The following DUSP10 variants were observed in gnomAD, a reference collection of about 807,000 sequenced individuals.
The protein encoded by DUSP10 is dual specificity phosphatase 10, also known as dual specificity protein phosphatase 10.
In DUSP10, 14 loss-of-function variants were observed where a neutral mutation model predicts 30.8. That is an observed-to-expected ratio of 0.46 (90% CI 0.30 to 0.71). DUSP10 has a LOEUF of 0.71. Ranked by LOEUF, DUSP10 falls within the 30% of genes least tolerant of loss-of-function variation. The pLI is 0.08. For synonymous variants in DUSP10, 254 were observed against 250.4 expected (o/e 1.01, Z -0.14); for missense variants, 550 against 619.4 (o/e 0.89, Z 1.19).
At position 221,737,113 on chromosome 1, in the gene DUSP10, T is replaced by G. The variant is rs571499251; in HGVS notation, c.811+1821A>C. ...TTCTCAATGACTGATGGGTCACCCC[T>G]ATCCACAACTCCACCCACTGCAAAA... On this transcript the variant is annotated intron_variant, in intron 2 of 3. Transcript: ENST00000366899. The G allele has an allele frequency of 1.0e-5, 10 of 985,410 alleles. No homozygotes were observed. In the South Asian group the frequency reaches 3.3e-4, roughly 32 times the overall value. The allele number at this position is 985,410 out of a possible 1,614,324, so 61.0% of individuals were successfully genotyped here. A position where few individuals can be genotyped will look rare whatever the true frequency, so the allele number is the denominator to read the frequency against.
rs1236938772 is a variant in DUSP10, at chr1:221,739,679, A to T, written c.66T>A (p.Asp22Glu). ...VALSRPVRPQ[D>E]LNLCLDSSYL... ...AACTAGAGTCTAAACAAAGGTTGAG[A>T]TCCTGAGGTCGGACGGGCCTAGATA... Residue 22 changes from aspartate to glutamate, a missense_variant, in exon 2 of 4, where the codon GAT (aspartate) becomes GAA (glutamate). Coordinates refer to ENST00000366899, the MANE Select transcript of DUSP10 (RefSeq NM_007207.6). 2.5e-6 allele frequency: 4 copies of T among 1,614,078 alleles called. 1 individual carries two copies. Among genetic ancestry groups the T allele is most frequent in the Middle Eastern group, 1.6e-4 (1 of 6,062 alleles).
In DUSP10 at chr1:221,702,518, T is replaced by A; in HGVS notation, c.1343A>T (p.Asn448Ile). 1 of 1,613,964 alleles carries A rather than the reference T, an allele frequency of 6.2e-7. No homozygotes were observed. Among genetic ancestry groups the A allele is most frequent in the Non-Finnish European group, 8.5e-7 (1 of 1,179,990 alleles). Residue 448 changes from asparagine to isoleucine, a missense_variant, in exon 4 of 4, where the codon AAC becomes ATC. Asn to Ile is a moderately radical substitution (Grantham distance 149). Transcript: ENST00000366899. This position sits in a 1 kb window ranked among gnomAD's most constrained non-coding sequence, Gnocchi z 4.5. ...TAGCAACTGCCCCATGAAGTTAAGGTTTGGGGAGATAATTGGTCGTTTGCC... is the reference window on the plus strand; with the variant it reads ...TAGCAACTGCCCCATGAAGTTAAGGATTGGGGAGATAATTGGTCGTTTGCC... The part of the protein sequence containing the change: ...VKGKRPIISP[N>I]LNFMGQLLEF...
chr1:221,731,825 T>G (rs927526038), intron 2 of DUSP10, among the ~76,000 whole-genome samples: 13 of 151,968 alleles, frequency 8.6e-5, no homozygotes, highest in Non-Finnish European at 1.8e-4. Flanking sequence ...GCCAGGATGG[T>G]CTCAATCTCT....
In DUSP10 at chr1:221,739,182, A is replaced by C; in HGVS notation, c.563T>G (p.Ile188Ser). The C allele has an allele frequency of 6.2e-7, 1 of 1,614,136 alleles. No individual in the cohort carries two copies. Among genetic ancestry groups the C allele is most frequent in the Non-Finnish European group, 8.5e-7 (1 of 1,180,030 alleles). ...ACAGTTAATGTGGACAGCTCCTTGG[A>C]TGTGACTCTTGTTGTACTCCATGAA... Reference protein sequence around the residue: ...RPFMEYNKSHIQGAVHINCAD... With the variant: ...RPFMEYNKSHSQGAVHINCAD... Residue 188 changes from isoleucine (I) to serine (S), a missense_variant, in exon 2 of 4, where the codon ATC (isoleucine) becomes AGC (serine). Physicochemically the swap from Ile to Ser is moderately radical, Grantham distance 142. Transcript: ENST00000366899.
chr1:221,719,861 A>T (rs1661225465), intron 2 of DUSP10, among the ~76,000 whole-genome samples: 1 of 152,202 alleles, frequency 6.6e-6, no homozygotes, highest in Non-Finnish European at 1.5e-5. Flanking sequence ...GACTTAGGGT[A>T]ATCTTTAAGT....
At chr1:221,718,358 G>T (rs1455942848) in intron 2 of DUSP10, among the ~76,000 whole-genome samples, 1 of 152,144 alleles carries the variant, frequency 6.6e-6, no homozygotes, top group Non-Finnish European at 1.5e-5. Flanking sequence ...GAGACATTCT[G>T]CGTACTGGGG....
rs185095154 is a variant in DUSP10 at position 221,703,552 on chromosome 1, G to A, written c.1184-875C>T. Among the ~76,000 whole-genome samples, 9 of 152,296 alleles carry A rather than the reference G, an allele frequency of 5.9e-5. No individual in the cohort carries two copies. The South Asian group carries it at 6.2e-4, about 11-fold the overall frequency. On this transcript the variant is annotated intron_variant, in intron 3 of 3. Coordinates refer to ENST00000366899, the MANE Select transcript of DUSP10 (RefSeq NM_007207.6). ...TGTCACCTCTCAAGCATTCAATCCC[G>A]TTTGCTTCCATGTATGACATTCCAG...
At chr1:221,729,817 A>G (rs1378344513) in intron 2 of DUSP10, among the ~76,000 whole-genome samples, 2 of 152,242 alleles carry the variant, frequency 1.3e-5, no homozygotes, top group East Asian at 1.9e-4. Flanking sequence ...GTCTTATCAT[A>G]AAAACATAGC....
chr1:221,721,688 A>G (rs1226129226), intron 2 of DUSP10, among the ~76,000 whole-genome samples: 2 of 151,954 alleles, frequency 1.3e-5, no homozygotes, highest in Non-Finnish European at 2.9e-5. Flanking sequence ...CCTCGCCCCT[A>G]CTTCTTGGAC....
In DUSP10 at chr1:221,736,989, A is replaced by T. The variant is rs1044668595; in HGVS notation, c.811+1945T>A. On this transcript the variant is annotated intron_variant, in intron 2 of 3. Transcript: ENST00000366899. Reference sequence around the variant, plus strand: ...GCCCCATTGAGGCAATCTTACTCTGACACTGAGGAAGAAGTCTAGGCTGTC... The same window carrying T: ...GCCCCATTGAGGCAATCTTACTCTGTCACTGAGGAAGAAGTCTAGGCTGTC... 8.1e-6 allele frequency: 8 copies of T among 985,386 alleles called. No individual in the cohort carries two copies. The African/African-American group carries it at 1.4e-4, about 17-fold the overall frequency. The allele number at this position is 985,386 out of a possible 1,614,324, so 61.0% of individuals were successfully genotyped here. A position where few individuals can be genotyped will look rare whatever the true frequency, so the allele number is the denominator to read the frequency against.
At position 221,738,985 on chromosome 1, in the gene DUSP10, T is replaced by G; in HGVS notation, c.760A>C (p.Ile254Leu). ...SRVMPSQPLH[I>L]VLESLKREGK... ...TCTCTCTTCAGGGACTCGAGGACTA[T>G]GTGAAGTGGCTGGGAGGGCATCACT... The change falls in exon 2 of 4, where the codon ATA (isoleucine) becomes CTA (leucine). Residue 254 changes from isoleucine to leucine, a missense_variant. Coordinates refer to ENST00000366899, the MANE Select transcript of DUSP10 (RefSeq NM_007207.6). The G allele has an allele frequency of 6.2e-7, 1 of 1,614,116 alleles. No individual in the cohort carries two copies. The highest frequency in any genetic ancestry group is 8.5e-7 in the Non-Finnish European group (1 of 1,179,978).
At chr1:221,712,850 T>C (rs1247668620) in intron 2 of DUSP10, among the ~76,000 whole-genome samples, 1 of 149,832 alleles carries the variant, frequency 6.7e-6, no homozygotes, top group Non-Finnish European at 1.5e-5. Context: ...GCCAAGTGTG[T>C]GACTTTTTGA....
chr1:221,728,845 C>T (rs541120629), intron 2 of DUSP10, among the ~76,000 whole-genome samples: 10 of 152,322 alleles, frequency 6.6e-5, no homozygotes, highest in Admixed American at 6.5e-4. Flanking sequence ...TCATCTACTT[C>T]CTACTCCAGA....
chr1:221,724,882 C>T (rs1048434251), intron 2 of DUSP10, among the ~76,000 whole-genome samples: 3 of 152,118 alleles, frequency 2.0e-5, no homozygotes, highest in African/African-American at 4.8e-5. Context: ...GCTCTCTGAT[C>T]GATTAACTAC....
intron 3 of DUSP10, among the ~76,000 whole-genome samples, chr1:221,705,406 C>A (rs1558115459): frequency 6.6e-6 from 1 of 152,098 alleles, no homozygotes; most frequent in Admixed American, 6.5e-5. Context: ...CCACCGCGCC[C>A]GGCGATATTT....
At chr1:221,727,026 G>C (rs1337423901) in intron 2 of DUSP10, among the ~76,000 whole-genome samples, 1 of 152,078 alleles carries the variant, frequency 6.6e-6, no homozygotes, top group Non-Finnish European at 1.5e-5. Context: ...CATGAGAAAA[G>C]AGCCATTACC....
At chr1:221,703,586 T>C (rs1660672209) in intron 3 of DUSP10, among the ~76,000 whole-genome samples, 1 of 152,208 alleles carries the variant, frequency 6.6e-6, no homozygotes, top group Non-Finnish European at 1.5e-5. Context: ...AGTGTGGCAA[T>C]AATGCAGAAG....
At chr1:221,726,626 G>A (rs1661432722) in intron 2 of DUSP10, among the ~76,000 whole-genome samples, 1 of 149,750 alleles carries the variant, frequency 6.7e-6, no homozygotes, top group South Asian at 2.1e-4. Context: ...TATACATAAA[G>A]TGTTTCTGCT....
At chr1:221,729,330 T>C (rs942335707) in intron 2 of DUSP10, among the ~76,000 whole-genome samples, 10 of 151,824 alleles carry the variant, frequency 6.6e-5, no homozygotes, top group Non-Finnish European at 1.5e-4. Context: ...ACAAGAAAAA[T>C]GGGGAAAGGA....
Sources: gnomAD v4.1 joint callset for allele counts (sites outside exome capture counted in the v4.1 genomes callset) on GRCh38, gnomAD v4.1.1 for gene constraint, Gnocchi (gnomAD v3.1) non-coding constraint, MANE v1.5 for transcripts, NCBI Gene and HGNC (gene_info 2026-07-23, HGNC 2026-07-21) for gene names.